The following TFRC variants were observed in gnomAD, a reference collection of about 807,000 sequenced individuals.
TFRC encodes transferrin receptor protein 1.
A neutral mutation model predicts 85.8 loss-of-function variants in TFRC; 35 were observed. The ratio of observed to expected loss-of-function variants is 0.41; its 90% CI spans 0.31 to 0.54. TFRC has a LOEUF of 0.54. Among genes scored for constraint, TFRC ranks in the 20% least tolerant of loss-of-function variants. TFRC has a pLI of 0.31. For missense variants in TFRC, 828 were observed against 921.5 expected (o/e 0.90, Z 1.31); for synonymous variants, 362 against 328.6 (o/e 1.10, Z -1.10).
intron 6 of TFRC, 37 bp downstream of exon 6, chr3:196,071,359 T>G (rs770584608): frequency 1.3e-6 from 2 of 1,523,662 alleles, no homozygotes; most frequent in Non-Finnish European, 1.8e-6. Context: ...AATGATTCAA[T>G]AGGGAAGAGT....
chr3:196,062,592 T>C lies in TFRC; in HGVS notation c.1458A>G (p.Lys486=). ...LKAFTYINLD[K]AVLGTSNFKV... is the part of the protein sequence containing the mutation. The stretch of plus-strand genomic sequence containing the variant: ...GAAAGGGATACTTACCAAGAACCGC[T>C]TTATCCAGATTAATATAAGTGAAAG... Residue 486 remains lysine, a synonymous_variant, in exon 13 of 19, where the codon AAA becomes AAG. Transcript: ENST00000360110. 6.2e-7 allele frequency: 1 copy of C among 1,608,120 alleles called. No homozygotes were observed. Among genetic ancestry groups the C allele is most frequent in the Non-Finnish European group, 8.5e-7 (1 of 1,178,368 alleles).
At chr3:196,079,610 C>G (rs1278498698) in intron 1 of TFRC, among the ~76,000 whole-genome samples, 1 of 152,134 alleles carries the variant, frequency 6.6e-6, no homozygotes, top group Non-Finnish European at 1.5e-5. Context: ...GCGTGAAACT[C>G]TGTCAAAAAT....
rs944420825 is a variant in TFRC at position 196,058,558 on chromosome 3, A to C, written c.1595+16T>G. On this transcript the variant is annotated intron_variant, in intron 15 of 18. Coordinates refer to ENST00000360110, the MANE Select transcript of TFRC (RefSeq NM_001128148.3). ...TGCTTTTCTATTAGTTTGTTCATTC[A>C]CTTTTCTCAACTTACACTTTGCTGG... 7.5e-6 allele frequency: 12 copies of C among 1,606,648 alleles called. No individual in the cohort carries two copies. Among genetic ancestry groups the C allele is most frequent in the Non-Finnish European group, 1.0e-5 (12 of 1,177,422 alleles).
intron 10 of TFRC, 99 bp downstream of exon 10, chr3:196,065,344 C>T (rs1717627646): frequency 1.5e-6 from 1 of 678,256 alleles, no homozygotes; most frequent in Non-Finnish European, 2.3e-6. Context: ...CCAAGCCAAG[C>T]CAGCATTCCT....
At chr3:196,060,105 A>C in intron 14 of TFRC, 75 bp downstream of exon 14, 2 of 1,172,072 alleles carry the variant, frequency 1.7e-6, no homozygotes, top group Non-Finnish European at 2.5e-6. Context: ...TACGGTTTAC[A>C]TATCAGTGTT....
Position 196,067,512 on chromosome 3 carries a change from A to G in TFRC, c.1040+6T>C. ...TATGCAAGACCGCTTTCAAATAAAA[A>G]CTTACCCAAACAGCTTTTCTGCAGC... On this transcript the variant is annotated splice_donor_region_variant and intron_variant, in intron 9 of 18. Coordinates refer to ENST00000360110, the MANE Select transcript of TFRC (RefSeq NM_001128148.3). 6.2e-7 allele frequency: 1 copy of G among 1,612,954 alleles called. No individual in the cohort carries two copies. The highest frequency in any genetic ancestry group is 8.5e-7 in the Non-Finnish European group (1 of 1,179,488).
chr3:196,076,299 G>A (rs1051699168), intron 2 of TFRC, among the ~76,000 whole-genome samples: 2 of 151,692 alleles, frequency 1.3e-5, no homozygotes, highest in Admixed American at 1.3e-4. Context: ...TCTACTCAAT[G>A]TTTCTTAAAA....
Position 196,051,920 on chromosome 3 carries a change from A to G in TFRC, c.*22T>C. On this transcript the variant is annotated 3_prime_UTR_variant, in exon 19 of 19. Coordinates refer to ENST00000360110, the MANE Select transcript of TFRC (RefSeq NM_001128148.3). ...GAAACCAGACTACCCTGCTGTTCTCATGGAAGCTATGGGTATCACATTTAA... is the reference window on the plus strand; with the variant it reads ...GAAACCAGACTACCCTGCTGTTCTCGTGGAAGCTATGGGTATCACATTTAA... 6.2e-7 allele frequency: 1 copy of G among 1,609,436 alleles called. No homozygotes were observed.
chr3:196,073,801 A>C, intron 4 of TFRC, 129 bp downstream of exon 4: 2 of 975,512 alleles, frequency 2.1e-6, no homozygotes, highest in Non-Finnish European at 2.9e-6. Context: ...TCCCCTCTTT[A>C]GCTAAACATG....
intron 17 of TFRC, 95 bp from the exon 18 acceptor site, chr3:196,053,653 T>C (rs2108634205): frequency 2.0e-6 from 3 of 1,498,976 alleles, no homozygotes; most frequent in Admixed American, 1.8e-5. Flanking sequence ...AAGATTCTGA[T>C]AAAAGGAACT....
intron 9 of TFRC, among the ~76,000 whole-genome samples, chr3:196,067,151 G>A (rs893767598): frequency 3.9e-5 from 6 of 152,200 alleles, no homozygotes; most frequent in Non-Finnish European, 7.3e-5. Context: ...TGGATGTTTC[G>A]GGGAATAGGA....
chr3:196,066,373 T>C (rs1717744773), intron 9 of TFRC, among the ~76,000 whole-genome samples: 1 of 152,030 alleles, frequency 6.6e-6, no homozygotes, highest in African/African-American at 2.4e-5. Flanking sequence ...CAGAATTCCT[T>C]GAACCCAGGA....
chr3:196,070,807 T>TAAA (rs1553797774), intron 6 of TFRC, among the ~76,000 whole-genome samples: 18 of 144,552 alleles, frequency 1.2e-4, no homozygotes, highest in South Asian at 4.4e-4. Context: ...ATAATAATAA[T>TAAA]AAAATAAAAA....
At chr3:196,077,982 T>C (rs1718851934) in intron 1 of TFRC, among the ~76,000 whole-genome samples, 3 of 152,202 alleles carry the variant, frequency 2.0e-5, no homozygotes. Context: ...AGAAACTAAG[T>C]GGCCTGTTCA....
At chr3:196,058,996 A>C (rs1717052673) in intron 14 of TFRC, 1 of 153,530 alleles carries the variant, frequency 6.5e-6, no homozygotes, top group Non-Finnish European at 1.4e-5. Context: ...GCAAGACTTT[A>C]TCTCTTAAAA....
rs773821293 is a variant in TFRC, at chr3:196,071,973, T to C, written c.584+30A>G. ...GCACACCTGAAAATAGCTACTTGTA[T>C]AAAAATAAGTTTACCATCTTTCAAC... On this transcript the variant is annotated intron_variant, in intron 5 of 18. Transcript: ENST00000360110. 3.8e-6 allele frequency: 6 copies of C among 1,595,574 alleles called. No homozygotes were observed. In the Admixed American group the frequency reaches 5.5e-5, roughly 15 times the overall value.
At chr3:196,072,173 T>A (rs4927867) in intron 4 of TFRC, 21 bp from the exon 5 acceptor site, 1 of 1,608,762 alleles carries the variant, frequency 6.2e-7, no homozygotes, top group South Asian at 1.1e-5. Flanking sequence ...AAATGCCTTT[T>A]AAATGAACTT....
At chr3:196,067,709 T>C in intron 8 of TFRC, 52 bp from the exon 9 acceptor site, 1 of 1,588,682 alleles carries the variant, frequency 6.3e-7, no homozygotes. Context: ...TCAAAACTTC[T>C]CTGTAAGATT....
At chr3:196,081,142 G>A (rs1422145962) in intron 1 of TFRC, among the ~76,000 whole-genome samples, 1 of 152,144 alleles carries the variant, frequency 6.6e-6, no homozygotes, top group African/African-American at 2.4e-5. Flanking sequence ...CGGCCTCTCC[G>A]GCGCCCATCA....
Sources: gnomAD v4.1 joint callset for allele counts (sites outside exome capture counted in the v4.1 genomes callset) on GRCh38, gnomAD v4.1.1 for gene constraint, MANE v1.5 for transcripts, NCBI Gene and HGNC (gene_info 2026-07-23, HGNC 2026-07-21) for gene names.